The following SLC24A2 variants were observed in gnomAD, a reference collection of about 807,000 sequenced individuals.
SLC24A2 encodes the protein sodium/potassium/calcium exchanger 2.
In SLC24A2, 36 loss-of-function variants were observed where a neutral mutation model predicts 62.0. That is an observed-to-expected ratio of 0.58 (90% CI 0.44 to 0.77). The LOEUF (loss-of-function observed/expected upper bound fraction) is 0.77, where lower values mean the gene tolerates loss of function less well. SLC24A2 is among the 30% of genes least tolerant of loss of function. The pLI is 0.00. For synonymous variants in SLC24A2, 358 were observed against 294.0 expected (o/e 1.22, Z -2.23); for missense variants, 846 against 817.9 (o/e 1.03, Z -0.42).
At chr9:19,725,070 A>T (rs1053594378) in intron 2 of SLC24A2, among the ~76,000 whole-genome samples, 1 of 152,166 alleles carries the variant, frequency 6.6e-6, no homozygotes, top group Non-Finnish European at 1.5e-5. Context: ...TCAGTACTGT[A>T]CATGCCAGTG....
rs10641024 is a variant in SLC24A2 at position 19,561,436 on chromosome 9, CTTTTTT to C, written c.1348-11174_1348-11169del. On this transcript the variant is annotated intron_variant, in intron 7 of 10. Transcript: ENST00000341998. ...AGCTAACAGTTAAGTGGAAAACAGA[CTTTTTT>C]TTTTTTTTTTGAGATGGAGTCTTGC... 2.2e-3 allele frequency among the ~76,000 whole-genome samples: 300 copies of C among 138,198 alleles called. 1 individual carries two copies. The highest frequency in any genetic ancestry group is 3.1e-3 in the Non-Finnish European group (204 of 65,040). 90.7% of individuals were successfully genotyped at this position (138,198 alleles called of 152,430 possible). A position where few individuals can be genotyped will look rare whatever the true frequency, so the allele number is the denominator to read the frequency against.
the SLC24A2 span, among the ~76,000 whole-genome samples, chr9:19,892,349 T>G: frequency 6.6e-6 from 1 of 152,224 alleles, no homozygotes; most frequent in African/African-American, 2.4e-5. Flanking sequence ...CTACACAAAA[T>G]TACTTTATTT....
At chr9:19,614,888 C>G (rs1587040348) in intron 4 of SLC24A2, among the ~76,000 whole-genome samples, 1 of 152,030 alleles carries the variant, frequency 6.6e-6, no homozygotes, top group East Asian at 1.9e-4. Flanking sequence ...AGCTAAATAC[C>G]ATCAAATGAC....
intron 2 of SLC24A2, among the ~76,000 whole-genome samples, chr9:19,693,260 T>C (rs1461259234): frequency 5.9e-5 from 9 of 152,138 alleles, no homozygotes; most frequent in African/African-American, 2.2e-4. Context: ...TGTGGCACTA[T>C]TCACAATAGC....
chr9:19,889,479 A>ACAG, the SLC24A2 span, among the ~76,000 whole-genome samples: 1 of 151,980 alleles, frequency 6.6e-6, no homozygotes, highest in Non-Finnish European at 1.5e-5. Flanking sequence ...AAAACAGTCC[A>ACAG]TAGGCCTCCA....
At chr9:19,578,549 G>A (rs554855864) in intron 5 of SLC24A2, among the ~76,000 whole-genome samples, 3 of 32,622 alleles carry the variant, frequency 9.2e-5, no homozygotes, top group African/African-American at 1.1e-4. Context: ...GTTTTCCCAC[G>A]ATGTATTTTT....
intron 8 of SLC24A2, among the ~76,000 whole-genome samples, chr9:19,541,487 TGCTG>T (rs1834251735): frequency 6.7e-6 from 1 of 150,068 alleles, no homozygotes; most frequent in Non-Finnish European, 1.5e-5. Context: ...AGTGTGCCCC[TGCTG>T]GGGGGTGCCT....
chr9:20,247,500 G>A, the SLC24A2 span, among the ~76,000 whole-genome samples: 2 of 152,150 alleles, frequency 1.3e-5, no homozygotes, highest in African/African-American at 2.4e-5. Flanking sequence ...TTATAATAGA[G>A]AGTTGAGAAC....
At chr9:20,276,001 G>A in the SLC24A2 span, among the ~76,000 whole-genome samples, 1 of 152,134 alleles carries the variant, frequency 6.6e-6, no homozygotes, top group Non-Finnish European at 1.5e-5. Flanking sequence ...GATTATGGGA[G>A]CTACAATTCA....
the SLC24A2 span, among the ~76,000 whole-genome samples, chr9:19,996,142 G>A: frequency 2.0e-5 from 3 of 152,146 alleles, no homozygotes; most frequent in Non-Finnish European, 2.9e-5. Context: ...GGTAAAGTTG[G>A]GAAAGAAATA....
At chr9:19,642,805 C>T (rs1285738506) in intron 2 of SLC24A2, among the ~76,000 whole-genome samples, 5 of 149,922 alleles carry the variant, frequency 3.3e-5, no homozygotes, top group South Asian at 4.2e-4. Context: ...CTCAGCCTCC[C>T]GAGTAGCTGG....
chr9:19,979,692 T>C, the SLC24A2 span, among the ~76,000 whole-genome samples: 1 of 152,186 alleles, frequency 6.6e-6, no homozygotes, highest in Non-Finnish European at 1.5e-5. Context: ...TGTCCGACAT[T>C]ATTTATGTAC....
chr9:19,852,185 C>T, the SLC24A2 span, among the ~76,000 whole-genome samples: 3 of 151,890 alleles, frequency 2.0e-5, no homozygotes, highest in African/African-American at 7.2e-5. Context: ...TTTTCTTTTT[C>T]TTGTAAATTT....
the SLC24A2 span, among the ~76,000 whole-genome samples, chr9:19,945,694 G>A: frequency 8.5e-5 from 13 of 152,148 alleles, no homozygotes; most frequent in African/African-American, 2.9e-4. Flanking sequence ...AAGAATTGGA[G>A]ACTCAAGGAT....
At chr9:19,608,718 C>T (rs759729364) in intron 4 of SLC24A2, among the ~76,000 whole-genome samples, 1 of 151,754 alleles carries the variant, frequency 6.6e-6, no homozygotes, top group Non-Finnish European at 1.5e-5. Flanking sequence ...TCTTGTTTTC[C>T]TTCTCTACCA....
the SLC24A2 span, among the ~76,000 whole-genome samples, chr9:19,796,254 T>C: frequency 6.6e-6 from 1 of 151,932 alleles, no homozygotes; most frequent in Non-Finnish European, 1.5e-5. Context: ...ACATGTACCC[T>C]AGAACTTAAA....
the SLC24A2 span, among the ~76,000 whole-genome samples, chr9:19,866,559 T>C: frequency 6.6e-6 from 1 of 150,884 alleles, no homozygotes; most frequent in Non-Finnish European, 1.5e-5. Context: ...ACAACATGGA[T>C]GAAAGTGGAG....
intron 2 of SLC24A2, among the ~76,000 whole-genome samples, chr9:19,743,546 G>C (rs1821742388): frequency 6.6e-6 from 1 of 152,156 alleles, no homozygotes; most frequent in Non-Finnish European, 1.5e-5. Context: ...GTGTAGCCCA[G>C]AGCAGTTACT....
At chr9:20,171,981 T>A in the SLC24A2 span, among the ~76,000 whole-genome samples, 1 of 152,000 alleles carries the variant, frequency 6.6e-6, no homozygotes, top group Non-Finnish European at 1.5e-5. Flanking sequence ...CAAGCCTCAA[T>A]AAATTTAAGA....
Sources: allele counts gnomAD v4.1 joint callset (sites outside exome capture counted in the v4.1 genomes callset), GRCh38; gene constraint gnomAD v4.1.1; transcripts MANE v1.5; gene names NCBI Gene and HGNC (gene_info 2026-07-23, HGNC 2026-07-21).